MIDEAS: variants seen among roughly 807,000 people sequenced by gnomAD.
MIDEAS encodes the protein mitotic deacetylase-associated SANT domain protein.
Under a neutral mutation model 102.7 loss-of-function variants are expected in MIDEAS, and 26 were observed. The observed-to-expected ratio is 0.25, with a 90% CI of 0.19 to 0.35. MIDEAS has a LOEUF of 0.35. Among genes scored for constraint, MIDEAS ranks in the 10% least tolerant of loss-of-function variants. MIDEAS has a pLI of 1.00. For synonymous variants in MIDEAS, 585 were observed against 591.0 expected, an observed-to-expected ratio of 0.99 and a Z score of 0.15; for missense variants, 1,231 against 1,435.6, an observed-to-expected ratio of 0.86 and a Z score of 2.30.
rs1390947921 is a variant in MIDEAS at position 73,717,271 on chromosome 14, A to G, written c.*1572T>C. 1 of 152,218 alleles carries G rather than the reference A, an allele frequency of 6.6e-6. No homozygotes were observed. The highest frequency in any genetic ancestry group is 2.4e-5 in the African/African-American group (1 of 41,456). The allele number at this position is 152,218 out of a possible 1,614,324, so 9.4% of individuals were successfully genotyped here. On this transcript the variant is annotated 3_prime_UTR_variant, in exon 13 of 13. Transcript: ENST00000423556. Reference sequence around the variant, plus strand: ...ATTCACTTAGAATTTCTTTTGCACAACTAAAGTTGAATAAGATCAGAAAAA... The same window carrying G: ...ATTCACTTAGAATTTCTTTTGCACAGCTAAAGTTGAATAAGATCAGAAAAA...
chr14:73,719,313 T>C lies in MIDEAS; in HGVS notation c.3126A>G (p.Lys1042=). The C allele has an allele frequency of 6.8e-7, 1 of 1,466,876 alleles. No homozygotes were observed. The highest frequency in any genetic ancestry group is 9.2e-7 in the Non-Finnish European group (1 of 1,087,218). 90.9% of individuals were successfully genotyped at this position (1,466,876 alleles called of 1,614,324 possible). A position where few individuals can be genotyped will look rare whatever the true frequency, so the allele number is the denominator to read the frequency against. Reference sequence around the variant, plus strand: ...AGCGCTGCCCACCTTACCTGCCACATTTTTTACAGGGGAAAGTGTTCTCCT... The same window carrying C: ...AGCGCTGCCCACCTTACCTGCCACACTTTTTACAGGGGAAAGTGTTCTCCT... The part of the protein sequence containing the change: ...QNQENTFPCK[K]CGRVFYKVKS... The change falls in exon 12 of 13, where the codon AAA becomes AAG. Residue 1042 remains lysine, a synonymous_variant. Transcript: ENST00000423556.
At chr14:73,781,478 T>A (rs755391130) in intron 1 of MIDEAS, among the ~76,000 whole-genome samples, 11 of 152,190 alleles carry the variant, frequency 7.2e-5, no homozygotes, top group Non-Finnish European at 1.5e-4. Context: ...CTCATGCCTG[T>A]AATCCCAGCA....
At position 73,725,738 on chromosome 14, in the gene MIDEAS, G is replaced by A. The variant is rs2053052221; in HGVS notation, c.2485+295C>T. On this transcript the variant is annotated intron_variant, in intron 8 of 12. Coordinates refer to ENST00000423556, the MANE Select transcript of MIDEAS (RefSeq NM_001367710.1). The surrounding 1 kb of genome is among the most constrained non-coding windows in gnomAD (Gnocchi z 4.1). ...CATGCACTCCTGGGGCTAAGTTCCA[G>A]GTACCTGATGCCAATCTGGATGGCT... is the stretch of plus-strand genomic sequence containing the variant. Among the ~76,000 whole-genome samples the A allele has an allele frequency of 6.6e-6, 1 of 152,200 alleles. No individual in the cohort carries two copies. The highest frequency in any genetic ancestry group is 6.5e-5 in the Admixed American group (1 of 15,274).
chr14:73,718,518 G>A lies in MIDEAS; in HGVS notation c.*325C>T, dbSNP rs917883859. The A allele has an allele frequency of 3.5e-5, 8 of 230,248 alleles. No homozygotes were observed. The highest frequency in any genetic ancestry group is 8.6e-5 in the East Asian group (1 of 11,570). 14.3% of individuals were successfully genotyped at this position (230,248 alleles called of 1,614,324 possible). On this transcript the variant is annotated 3_prime_UTR_variant, in exon 13 of 13. Coordinates refer to ENST00000423556, the MANE Select transcript of MIDEAS (RefSeq NM_001367710.1). The stretch of plus-strand genomic sequence containing the variant: ...GGGAAGCAAATAAAGGGAAAAGACT[G>A]CGGGGCAGCAGAGCAGCAGAAATCG...
intron 1 of MIDEAS, among the ~76,000 whole-genome samples, chr14:73,753,177 A>T (rs1595281659): frequency 6.6e-6 from 1 of 152,352 alleles, no homozygotes; most frequent in East Asian, 1.9e-4. Flanking sequence ...TCCTCCACAG[A>T]AGGGCCTCAG....
intron 1 of MIDEAS, among the ~76,000 whole-genome samples, chr14:73,784,925 A>G (rs2053792474): frequency 1.3e-5 from 2 of 152,234 alleles, no homozygotes; most frequent in African/African-American, 4.8e-5. Flanking sequence ...ACAAACGGTC[A>G]CTGTGCCCAT....
chr14:73,783,309 G>A (rs1218699062), intron 1 of MIDEAS, among the ~76,000 whole-genome samples: 1 of 152,306 alleles, frequency 6.6e-6, no homozygotes, highest in Admixed American at 6.5e-5. Context: ...AAACAGGACT[G>A]GAAGGGGAGC....
chr14:73,744,626 G>A (rs2053327426), intron 1 of MIDEAS, among the ~76,000 whole-genome samples: 1 of 152,182 alleles, frequency 6.6e-6, no homozygotes, highest in African/African-American at 2.4e-5. Flanking sequence ...AGTTCTCTGA[G>A]CTGTCTTAGG....
Position 73,739,212 on chromosome 14 carries a change from G to A in MIDEAS, c.797C>T (p.Pro266Leu), listed in dbSNP as rs757507118. The A allele has an allele frequency of 1.2e-6, 2 of 1,613,540 alleles. No homozygotes were observed. Among genetic ancestry groups the A allele is most frequent in the East Asian group, 2.2e-5 (1 of 44,884 alleles). ...QQQQQQQAALPQMPLFENFYS... is the reference protein window; with the variant it reads ...QQQQQQQAALLQMPLFENFYS... ...GAAGTTCTCAAAGAGCGGCATCTGGGGTAGGGCTGCCTGCTGCTGCTGCTG... is the reference window on the plus strand; with the variant it reads ...GAAGTTCTCAAAGAGCGGCATCTGGAGTAGGGCTGCCTGCTGCTGCTGCTG... The change falls in exon 2 of 13, where the codon CCC becomes CTC. Residue 266 changes from proline to leucine, a missense_variant. Transcript: ENST00000423556.
intron 1 of MIDEAS, among the ~76,000 whole-genome samples, chr14:73,786,873 C>T (rs531015702): frequency 1.2e-4 from 19 of 152,162 alleles, no homozygotes; most frequent in Non-Finnish European, 2.5e-4. Flanking sequence ...GGCCCCGCTG[C>T]AGCCCTTGCT....
At chr14:73,769,909 T>G (rs1566607803) in intron 1 of MIDEAS, among the ~76,000 whole-genome samples, 1 of 136,976 alleles carries the variant, frequency 7.3e-6, no homozygotes, top group South Asian at 2.7e-4. Flanking sequence ...TGGGTTTTTT[T>G]TTTTGTTTTT....
chr14:73,738,849 G>C lies in MIDEAS; in HGVS notation c.1160C>G (p.Pro387Arg). ...AGGATGGGGCTGCCCCAGGGAGCCAGGTGGCGGCTGCTGCAGGGGCCAGTG... is the reference window on the plus strand; with the variant it reads ...AGGATGGGGCTGCCCCAGGGAGCCACGTGGCGGCTGCTGCAGGGGCCAGTG... ...LHHWPLQQPP[P>R]GSLGQPHPEA... The change falls in exon 2 of 13, where the codon CCT becomes CGT. Residue 387 changes from proline to arginine, a missense_variant. Transcript: ENST00000423556. 1 of 1,572,664 alleles carries C rather than the reference G, an allele frequency of 6.4e-7. No homozygotes were observed. The highest frequency in any genetic ancestry group is 1.2e-5 in the South Asian group (1 of 84,724).
At position 73,719,131 on chromosome 14, in the gene MIDEAS, C is replaced by A; in HGVS notation, c.3135-123G>T. 3 of 1,461,934 alleles carry A rather than the reference C, an allele frequency of 2.1e-6. No homozygotes were observed. The East Asian group carries it at 7.4e-5, about 36-fold the overall frequency. The allele number at this position is 1,461,934 out of a possible 1,614,324, so 90.6% of individuals were successfully genotyped here. ...GCTGCACAGCCGCGGCCGGCCAGCT[C>A]GCGTCATTTTCCGAAAGCTGCCCCA... On this transcript the variant is annotated intron_variant, in intron 12 of 12. Coordinates refer to ENST00000423556, the MANE Select transcript of MIDEAS (RefSeq NM_001367710.1).
chr14:73,718,922 TCC>T lies in MIDEAS; in HGVS notation c.3219_3220del (p.Lys1075ArgfsTer72). 6.6e-7 allele frequency: 1 copy of T among 1,524,984 alleles called. No homozygotes were observed. Among genetic ancestry groups the T allele is most frequent in the Non-Finnish European group, 8.8e-7 (1 of 1,142,776 alleles). The allele number at this position is 1,524,984 out of a possible 1,614,324, so 94.5% of individuals were successfully genotyped here. On this transcript the variant is annotated frameshift_variant, in exon 13 of 13. Coordinates refer to ENST00000423556, the MANE Select transcript of MIDEAS (RefSeq NM_001367710.1). LOFTEE classifies it low-confidence loss of function (END_TRUNC). ...GGCGGCGGCAGCAGCGGCCTCTTTC[TCC>T]TTCAGCCTCAGCGCTGCAGCCTTCT...
At chr14:73,779,610 G>A (rs1409075775) in intron 1 of MIDEAS, among the ~76,000 whole-genome samples, 2 of 121,946 alleles carry the variant, frequency 1.6e-5, no homozygotes, top group African/African-American at 6.5e-5. Flanking sequence ...TCGCTCTGTC[G>A]CCCAGGCTGG....
chr14:73,721,705 C>T (rs1216393785), intron 10 of MIDEAS, 196 bp from the exon 11 acceptor site: 2 of 572,392 alleles, frequency 3.5e-6, no homozygotes, highest in Admixed American at 3.0e-5. Flanking sequence ...AGTCTCAAGC[C>T]CTGGGAGCAC....
rs1595288715 is a variant in MIDEAS, at chr14:73,759,609, T to C, written c.-248+154A>G. Reference sequence around the variant, plus strand: ...CCACCGCCGCCCAGGCCGCAGAAGTTCGAGCGCAGCGGCCCCCGCGGCCCC... The same window carrying C: ...CCACCGCCGCCCAGGCCGCAGAAGTCCGAGCGCAGCGGCCCCCGCGGCCCC... On this transcript the variant is annotated intron_variant, in intron 1 of 12. Coordinates refer to ENST00000423556, the MANE Select transcript of MIDEAS (RefSeq NM_001367710.1). This position sits in a 1 kb window ranked among gnomAD's most constrained non-coding sequence, Gnocchi z 6.7. Among the ~76,000 whole-genome samples the C allele has an allele frequency of 2.0e-5, 3 of 149,130 alleles. No homozygotes were observed. The highest frequency in any genetic ancestry group is 4.2e-4 in the South Asian group (2 of 4,818).
rs1010312487 is a variant in MIDEAS at position 73,759,607 on chromosome 14, G to T, written c.-248+156C>A. Among the ~76,000 whole-genome samples the T allele has an allele frequency of 6.7e-6, 1 of 149,300 alleles. No homozygotes were observed. The highest frequency in any genetic ancestry group is 1.5e-5 in the Non-Finnish European group (1 of 67,000). ...CTCCACCGCCGCCCAGGCCGCAGAA[G>T]TTCGAGCGCAGCGGCCCCCGCGGCC... On this transcript the variant is annotated intron_variant, in intron 1 of 12. Coordinates refer to ENST00000423556, the MANE Select transcript of MIDEAS (RefSeq NM_001367710.1). The surrounding 1 kb of genome is among the most constrained non-coding windows in gnomAD (Gnocchi z 6.7).
upstream of MIDEAS, among the ~76,000 whole-genome samples, chr14:73,787,969 G>A (rs188116707): frequency 8.5e-5 from 13 of 152,290 alleles, no homozygotes; most frequent in African/African-American, 3.1e-4. Context: ...CCTGAGAAGG[G>A]CAGCTTCAGG....
Sources: allele counts gnomAD v4.1 joint callset (sites outside exome capture counted in the v4.1 genomes callset), GRCh38; gene constraint gnomAD v4.1.1; non-coding constraint Gnocchi (gnomAD v3.1); transcripts MANE v1.5; gene names NCBI Gene and HGNC (gene_info 2026-07-23, HGNC 2026-07-21).